Variants in ATP2B4 observed in about 807,000 individuals in gnomAD.
ATP2B4 encodes the protein plasma membrane calcium-transporting ATPase 4.
ATP2B4 carries 39 observed loss-of-function variants against 110.3 expected under a neutral mutation model. That is an observed-to-expected ratio of 0.35 (90% CI 0.27 to 0.46). The LOEUF (loss-of-function observed/expected upper bound fraction) is 0.46. Ranked by LOEUF, ATP2B4 falls within the 20% of genes least tolerant of loss-of-function variation. The probability of loss-of-function intolerance (pLI) is 1.00; values close to 1 mark genes in which losing one functional copy is unlikely to be tolerated. For synonymous variants in ATP2B4, 538 were observed against 571.7 expected, an observed-to-expected ratio of 0.94 and a Z score of 0.84; for missense variants, 1,135 against 1,530.9, an observed-to-expected ratio of 0.74 and a Z score of 4.32.
In ATP2B4 at chr1:203,716,805, G is replaced by A. The variant is rs1217596788; in HGVS notation, c.2406+2528G>A. Among the ~76,000 whole-genome samples, 3 of 145,406 alleles carry A rather than the reference G, an allele frequency of 2.1e-5. 1 individual carries two copies. Among genetic ancestry groups the A allele is most frequent in the Non-Finnish European group, 4.6e-5 (3 of 65,222 alleles). Reference sequence around the variant, plus strand: ...TCCTTATATTTCCTATAAGCAAGTAGTTGGTTCTAGAAGTTATCAGATTCT... The same window carrying A: ...TCCTTATATTTCCTATAAGCAAGTAATTGGTTCTAGAAGTTATCAGATTCT... On this transcript the variant is annotated intron_variant, in intron 15 of 20. Transcript: ENST00000357681.
intron 8 of ATP2B4, among the ~76,000 whole-genome samples, chr1:203,704,142 G>A (rs1225890547): frequency 6.6e-6 from 1 of 152,192 alleles, no homozygotes; most frequent in Non-Finnish European, 1.5e-5. Context: ...CCTGTCTCTT[G>A]CTTTGGGTTG....
In ATP2B4 at chr1:203,698,196, A is replaced by G; in HGVS notation, c.233A>G (p.Gln78Arg). 1 of 1,614,188 alleles carries G rather than the reference A, an allele frequency of 6.2e-7. No individual in the cohort carries two copies. Among genetic ancestry groups the G allele is most frequent in the East Asian group, 2.2e-5 (1 of 44,888 alleles). Residue 78 changes from glutamine to arginine, a missense_variant, in exon 3 of 21, where the codon CAG becomes CGG. By Grantham distance (43) the Gln-to-Arg change is conservative. Transcript: ENST00000357681. ...CCTGCAGATCTGGAGAAACGTAGGC[A>G]GGTGTTTGGACACAACGTGATCCCC... ...GNPADLEKRR[Q>R]VFGHNVIPPK...
chr1:203,738,133 C>G (rs1356865125), intron 20 of ATP2B4, among the ~76,000 whole-genome samples: 1 of 152,098 alleles, frequency 6.6e-6, no homozygotes, highest in Non-Finnish European at 1.5e-5. Flanking sequence ...CCAACCTCAA[C>G]AGTTTCCCCC....
At chr1:203,656,167 C>T (rs75027952) in intron 1 of ATP2B4, among the ~76,000 whole-genome samples, 4,074 of 151,924 alleles carry the variant, frequency 0.027, 152 homozygotes, top group East Asian at 0.18. Context: ...CAAGTTACAA[C>T]CCTAACACCT....
Position 203,707,890 on chromosome 1 carries a change from G to A in ATP2B4, c.1343G>A (p.Arg448Gln), listed in dbSNP as rs1160560353. The A allele has an allele frequency of 6.2e-7, 1 of 1,614,086 alleles. No homozygotes were observed. Among genetic ancestry groups the A allele is most frequent in the South Asian group, 1.1e-5 (1 of 91,072 alleles). The change falls in exon 10 of 21, where the codon CGG (arginine) becomes CAG (glutamine). Residue 448 changes from arginine (R) to glutamine (Q), a missense_variant. By Grantham distance (43) the Arg-to-Gln change is conservative (BLOSUM62 1). Coordinates refer to ENST00000357681, the MANE Select transcript of ATP2B4 (RefSeq NM_001684.5). ...KKMMKDNNLVRHLDACETMGN... is the reference protein window; with the variant it reads ...KKMMKDNNLVQHLDACETMGN... Reference sequence around the variant, plus strand: ...ATGATGAAAGACAATAACCTAGTACGGCACTTGGATGCTTGTGAGACCATG... The same window carrying A: ...ATGATGAAAGACAATAACCTAGTACAGCACTTGGATGCTTGTGAGACCATG...
rs778104150 is a variant in ATP2B4, at chr1:203,740,002, G to C, written c.*148G>C. 5.7e-6 allele frequency: 5 copies of C among 883,570 alleles called. No individual in the cohort carries two copies. The highest frequency in any genetic ancestry group is 8.4e-6 in the Non-Finnish European group (5 of 594,914). The allele number at this position is 883,570 out of a possible 1,614,324, so 54.7% of individuals were successfully genotyped here. ...AAGTGAACCTCTACCTGACCATGAA[G>C]AGGCAAGAGCACAGACTTACAAGGA... On this transcript the variant is annotated 3_prime_UTR_variant, in exon 21 of 21. Transcript: ENST00000357681.
intron 1 of ATP2B4, among the ~76,000 whole-genome samples, chr1:203,650,713 T>TGCGAG (rs945496612): frequency 1.3e-5 from 2 of 152,166 alleles, no homozygotes; most frequent in African/African-American, 4.8e-5. Context: ...GACTCGCTGG[T>TGCGAG]GCGAGGCTCA....
At position 203,727,375 on chromosome 1, in the gene ATP2B4, T is replaced by C. The variant is rs1038269462; in HGVS notation, c.3133-20T>C. The C allele has an allele frequency of 1.9e-6, 3 of 1,612,924 alleles. No individual in the cohort carries two copies. Among genetic ancestry groups the C allele is most frequent in the African/African-American group, 1.3e-5 (1 of 74,884 alleles). On this transcript the variant is annotated intron_variant, in intron 19 of 20. Transcript: ENST00000357681. The stretch of plus-strand genomic sequence containing the variant: ...TCACGCTGATTCTGACGTCTTCCTC[T>C]TCGCTGCGCTTGTTTTCAGTTCATC...
chr1:203,699,673 C>G lies in ATP2B4; in HGVS notation c.605C>G (p.Pro202Arg). ...CGAAACGGTCAACTCATCCAGCTCC[C>G]TGTGGCTGAGATTGTGGTTGGTGAT... ...IIRNGQLIQL[P>R]VAEIVVGDIA... The change falls in exon 4 of 21, where the codon CCT becomes CGT. Residue 202 changes from proline (P) to arginine (R), a missense_variant. Pro to Arg is a moderately radical substitution (Grantham distance 103, BLOSUM62 -2). This residue lies in a region of ATP2B4 where 101 missense variants were observed against 182.6 expected (regional missense o/e 0.55). Coordinates refer to ENST00000357681, the MANE Select transcript of ATP2B4 (RefSeq NM_001684.5). The G allele has an allele frequency of 1.9e-6, 3 of 1,614,204 alleles. No individual in the cohort carries two copies. Among genetic ancestry groups the G allele is most frequent in the Non-Finnish European group, 2.5e-6 (3 of 1,180,038 alleles).
chr1:203,664,059 G>A (rs1393223307), intron 1 of ATP2B4, among the ~76,000 whole-genome samples: 6 of 152,214 alleles, frequency 3.9e-5, no homozygotes, highest in Non-Finnish European at 8.8e-5. Flanking sequence ...TGTCAGTCCT[G>A]TCTATCTTAA....
In ATP2B4 at chr1:203,685,704, TACTA is replaced by T. The variant is rs149984124; in HGVS notation, c.193+2312_193+2315del. On this transcript the variant is annotated intron_variant, in intron 2 of 20. Transcript: ENST00000357681. ...GAGTTCAAATGATAGCTCCACCATT[TACTA>T]ACTAAGTAGCCCTCTACAGTTTACT... Among the ~76,000 whole-genome samples, 507 of 152,358 alleles carry T rather than the reference TACTA, an allele frequency of 3.3e-3. 3 individuals are homozygous for T. The highest frequency in any genetic ancestry group is 0.011 in the African/African-American group (469 of 41,578).
At chr1:203,637,036 G>A (rs1663460694) in intron 1 of ATP2B4, among the ~76,000 whole-genome samples, 1 of 152,158 alleles carries the variant, frequency 6.6e-6, no homozygotes. Flanking sequence ...TCCTAGGCCA[G>A]AAACTAAGGA....
At chr1:203,632,701 A>T (rs1194486687) in intron 1 of ATP2B4, among the ~76,000 whole-genome samples, 1 of 151,822 alleles carries the variant, frequency 6.6e-6, no homozygotes, top group African/African-American at 2.4e-5. Context: ...TTAAGTAAAA[A>T]AAAAAAAAAA....
intron 1 of ATP2B4, among the ~76,000 whole-genome samples, chr1:203,682,534 G>C (rs1665046035): frequency 6.6e-6 from 1 of 152,124 alleles, no homozygotes; most frequent in African/African-American, 2.4e-5. Context: ...CTACATTGGA[G>C]TTTACAGGCT....
intron 12 of ATP2B4, among the ~76,000 whole-genome samples, 165 bp downstream of exon 12, chr1:203,711,273 G>A (rs1352580452): frequency 6.6e-6 from 1 of 152,192 alleles, no homozygotes; most frequent in Non-Finnish European, 1.5e-5. Context: ...ATGATCGAAT[G>A]TGGCATTCCT....
intron 1 of ATP2B4, among the ~76,000 whole-genome samples, chr1:203,634,960 G>C (rs910336183): frequency 6.6e-6 from 1 of 151,672 alleles, no homozygotes; most frequent in African/African-American, 2.4e-5. Flanking sequence ...CACCGCACCC[G>C]GCCCCATTTA....
intron 16 of ATP2B4, 143 bp downstream of exon 16, chr1:203,720,883 G>T (rs1666301621): frequency 9.5e-7 from 1 of 1,048,790 alleles, no homozygotes; most frequent in Non-Finnish European, 1.4e-6. Context: ...TTCTAAGTCT[G>T]CTGTCTTCAT....
intron 8 of ATP2B4, among the ~76,000 whole-genome samples, chr1:203,706,034 G>A (rs1205500674): frequency 6.6e-6 from 1 of 152,192 alleles, no homozygotes; most frequent in East Asian, 1.9e-4. Context: ...ATTTAAAGCA[G>A]AGCTTTTCCC....
intron 12 of ATP2B4, 133 bp from the exon 13 acceptor site, chr1:203,711,821 ACCAGAC>A: frequency 1.1e-6 from 1 of 925,868 alleles, no homozygotes. Context: ...TATCAAAATG[ACCAGAC>A]CTAGCCCATG....
Sources: gnomAD v4.1 joint callset for allele counts (sites outside exome capture counted in the v4.1 genomes callset) on GRCh38, gnomAD v4.1.1 for gene constraint, gnomAD v4.1.1 regional missense constraint, MANE v1.5 for transcripts, NCBI Gene and HGNC (gene_info 2026-07-23, HGNC 2026-07-21) for gene names.